Variants in SOX5 observed in about 807,000 individuals in gnomAD.
SOX5 encodes transcription factor SOX-5.
SOX5 carries 9 observed loss-of-function variants against 92.0 expected under a neutral mutation model. That is an observed-to-expected ratio of 0.10 (90% CI 0.06 to 0.17). The LOEUF is 0.17. Ranked by LOEUF, SOX5 falls within the 10% of genes least tolerant of loss-of-function variation. The pLI is 1.00. For missense variants in SOX5, 642 were observed against 944.5 expected, an observed-to-expected ratio of 0.68 and a Z score of 4.20; for synonymous variants, 344 against 336.3, an observed-to-expected ratio of 1.02 and a Z score of -0.25.
intron 1 of SOX5, among the ~76,000 whole-genome samples, chr12:24,392,201 T>A (rs1469405738): frequency 6.6e-6 from 1 of 152,164 alleles, no homozygotes; most frequent in Non-Finnish European, 1.5e-5. Context: ...ATTGCAATGG[T>A]CTTTCCACCT....
In SOX5 at chr12:24,296,930, GACACACACACACACAC is replaced by G. The variant is rs34848004; in HGVS notation, c.-173-19634_-173-19619del. On this transcript the variant is annotated intron_variant, in intron 2 of 4. Transcript: ENST00000446891. The stretch of plus-strand genomic sequence containing the variant: ...CCACATGGCCCTACATAGACAGACA[GACACACACACACACAC>G]ACACACACACACACAAACACAGAGG... Among the ~76,000 whole-genome samples, 5 of 148,200 alleles carry G rather than the reference GACACACACACACACAC, an allele frequency of 3.4e-5. No homozygotes were observed. In the South Asian group the frequency reaches 1.1e-3, roughly 32 times the overall value.
At chr12:23,790,161 G>T (rs749214704) in intron 3 of SOX5, among the ~76,000 whole-genome samples, 1 of 152,018 alleles carries the variant, frequency 6.6e-6, no homozygotes, top group African/African-American at 2.4e-5. Flanking sequence ...AAAAACAAAT[G>T]TATGAAATAG....
At chr12:24,488,269 A>T (rs1323121852) in intron 1 of SOX5, among the ~76,000 whole-genome samples, 1 of 152,136 alleles carries the variant, frequency 6.6e-6, no homozygotes, top group African/African-American at 2.4e-5. Context: ...CCCAGATACA[A>T]TGCATGTCTG....
At chr12:24,195,045 T>C (rs779714851) in intron 4 of SOX5, among the ~76,000 whole-genome samples, 1 of 151,970 alleles carries the variant, frequency 6.6e-6, no homozygotes. Flanking sequence ...AAAGTTCCAA[T>C]ATTGTGTTTG....
Position 24,133,255 on chromosome 12 carries a change from G to A in SOX5, c.-2+80088C>T, listed in dbSNP as rs74967490. Among the ~76,000 whole-genome samples the A allele has an allele frequency of 9.3e-3, 1,420 of 152,220 alleles. 17 individuals carry two copies. The highest frequency in any genetic ancestry group is 0.032 in the African/African-American group (1,349 of 41,534). ...TCACTCCCTGGAGAAAGAGTCATGCGAACAGCTTTAAAAAGTCATGAAGGA... is the reference window on the plus strand; with the variant it reads ...TCACTCCCTGGAGAAAGAGTCATGCAAACAGCTTTAAAAAGTCATGAAGGA... On this transcript the variant is annotated intron_variant, in intron 4 of 4. Transcript: ENST00000446891.
At chr12:24,480,806 G>A (rs1357823021) in intron 1 of SOX5, among the ~76,000 whole-genome samples, 1 of 151,744 alleles carries the variant, frequency 6.6e-6, no homozygotes, top group Non-Finnish European at 1.5e-5. Flanking sequence ...CTCTCTCGGT[G>A]GGAATGTAAA....
chr12:24,479,325 G>A (rs1209382529), intron 1 of SOX5, among the ~76,000 whole-genome samples: 1 of 152,118 alleles, frequency 6.6e-6, no homozygotes, highest in Non-Finnish European at 1.5e-5. Flanking sequence ...TCTACTCCGC[G>A]TATTTGTTTT....
chr12:24,093,364 A>G (rs2733676), intron 4 of SOX5, among the ~76,000 whole-genome samples: 1 of 152,038 alleles, frequency 6.6e-6, no homozygotes, highest in Admixed American at 6.6e-5. Flanking sequence ...TACTAAAAAC[A>G]CAAAAAAAAC....
chr12:24,493,782 T>C (rs889644540), intron 1 of SOX5, among the ~76,000 whole-genome samples: 4 of 151,398 alleles, frequency 2.6e-5, no homozygotes, highest in Admixed American at 2.6e-4. Flanking sequence ...GAGAATGGTG[T>C]GAACCCAGGA....
chr12:23,867,355 C>A (rs112252733), intron 2 of SOX5, among the ~76,000 whole-genome samples: 3 of 152,228 alleles, frequency 2.0e-5, no homozygotes, highest in African/African-American at 7.2e-5. Context: ...GTGCTACCAA[C>A]ATTTTCCCAG....
chr12:23,560,346 C>G (rs1945991807), intron 11 of SOX5, among the ~76,000 whole-genome samples: 1 of 152,132 alleles, frequency 6.6e-6, no homozygotes, highest in Non-Finnish European at 1.5e-5. Flanking sequence ...AAATTTCAAA[C>G]CAATTACTAA....
intron 8 of SOX5, among the ~76,000 whole-genome samples, chr12:23,625,597 G>A (rs921539920): frequency 2.6e-5 from 4 of 152,066 alleles, no homozygotes; most frequent in Non-Finnish European, 4.4e-5. Flanking sequence ...TCAGCCAACA[G>A]GCAAATATTT....
intron 2 of SOX5, among the ~76,000 whole-genome samples, chr12:24,316,161 G>A (rs1303606288): frequency 6.6e-6 from 1 of 152,170 alleles, no homozygotes; most frequent in Admixed American, 6.5e-5. Context: ...AACATGCCAG[G>A]AAGAAGTATC....
At chr12:24,121,885 CAAAAAAAAAAAAA>C (rs900951883) in intron 4 of SOX5, among the ~76,000 whole-genome samples, 2 of 48,260 alleles carry the variant, frequency 4.1e-5, no homozygotes, top group African/African-American at 1.7e-4. Flanking sequence ...GACTCTATCT[CAAAAAAAAAAAAA>C]AAAAAAAAAA....
chr12:24,046,559 G>T (rs1055883190), intron 4 of SOX5, among the ~76,000 whole-genome samples: 1 of 151,602 alleles, frequency 6.6e-6, no homozygotes, highest in Non-Finnish European at 1.5e-5. Context: ...AAATATAAGA[G>T]AATTATAAGA....
intron 4 of SOX5, among the ~76,000 whole-genome samples, chr12:24,031,883 T>C (rs1442751962): frequency 6.6e-6 from 1 of 151,858 alleles, no homozygotes; most frequent in African/African-American, 2.4e-5. Context: ...TTTGTAATTT[T>C]ATCCATAAGA....
At chr12:24,266,906 G>C (rs527455422) in intron 3 of SOX5, among the ~76,000 whole-genome samples, 2 of 152,202 alleles carry the variant, frequency 1.3e-5, no homozygotes, top group East Asian at 3.9e-4. Flanking sequence ...TGCTTTAAAA[G>C]GACTTTCAAC....
In SOX5 at chr12:24,239,631, C is replaced by T. The variant is rs1043945298; in HGVS notation, c.-76-26214G>A. ...AGCCCTGGAGCTACAATTATCTGGT[C>T]GCATTAAACTGAAATCACCTGAAAA... On this transcript the variant is annotated intron_variant, in intron 3 of 4. Coordinates refer to the SOX5 transcript ENST00000446891. 2.6e-5 allele frequency among the ~76,000 whole-genome samples: 4 copies of T among 152,068 alleles called. No homozygotes were observed. The East Asian group carries it at 5.8e-4, about 22-fold the overall frequency.
chr12:24,031,605 C>T (rs1241260899), intron 4 of SOX5, among the ~76,000 whole-genome samples: 1 of 151,738 alleles, frequency 6.6e-6, no homozygotes, highest in Admixed American at 6.6e-5. Context: ...ATCCTATGTA[C>T]ACTAGTTTCT....
Sources: gnomAD v4.1 joint callset for allele counts (sites outside exome capture counted in the v4.1 genomes callset) on GRCh38, gnomAD v4.1.1 for gene constraint, MANE v1.5 for transcripts, NCBI Gene and HGNC (gene_info 2026-07-23, HGNC 2026-07-21) for gene names.